UBE2D3: variants seen among roughly 807,000 people sequenced by gnomAD.
UBE2D3 encodes ubiquitin-conjugating enzyme E2 D3.
Under a neutral mutation model 22.8 loss-of-function variants are expected in UBE2D3, and 2 were observed. The observed-to-expected ratio is 0.09, with a 90% CI of 0.04 to 0.28. UBE2D3 has a LOEUF of 0.28. Among genes scored for constraint, UBE2D3 ranks in the 10% least tolerant of loss-of-function variants. UBE2D3 has a pLI of 1.00. For missense variants in UBE2D3, 27 were observed against 182.5 expected (o/e 0.15, Z 4.91); for synonymous variants, 56 against 60.4 (o/e 0.93, Z 0.34).
chr4:102,865,491 CAAAA>C (rs10604973), intron 1 of UBE2D3, among the ~76,000 whole-genome samples: 3 of 66,714 alleles, frequency 4.5e-5, no homozygotes, highest in Non-Finnish European at 6.2e-5. Flanking sequence ...CTGTCTCAAC[CAAAA>C]AAAAAAAAAA....
chr4:102,805,492 A>G (rs1426991937), intron 4 of UBE2D3, among the ~76,000 whole-genome samples: 1 of 145,474 alleles, frequency 6.9e-6, no homozygotes, highest in South Asian at 2.1e-4. Context: ...AAACGTTGGT[A>G]TTCTTTTTTT....
intron 1 of UBE2D3, among the ~76,000 whole-genome samples, chr4:102,851,016 T>C (rs1732314930): frequency 1.3e-5 from 2 of 152,128 alleles, no homozygotes; most frequent in African/African-American, 4.8e-5. Flanking sequence ...CACCAGAATC[T>C]CAGAAATCAT....
At chr4:102,799,364 A>AT (rs1459022169) in intron 7 of UBE2D3, 43 bp downstream of exon 7, 3 of 1,527,412 alleles carry the variant, frequency 2.0e-6, no homozygotes, top group Non-Finnish European at 2.7e-6. Context: ...AGCCTAACTC[A>AT]TTAAGTAAAA....
At chr4:102,819,777 C>G (rs1460586271) in intron 2 of UBE2D3, among the ~76,000 whole-genome samples, 3 of 152,202 alleles carry the variant, frequency 2.0e-5, no homozygotes, top group East Asian at 3.8e-4. Context: ...AAAGGTCATA[C>G]AGAGGACAGA....
At chr4:102,853,271 T>C (rs1326059609) in intron 1 of UBE2D3, among the ~76,000 whole-genome samples, 1 of 150,322 alleles carries the variant, frequency 6.7e-6, no homozygotes, top group Non-Finnish European at 1.5e-5. Context: ...GCCTCCCGAG[T>C]AGCTGGGACT....
chr4:102,812,638 C>T (rs1367651818), intron 2 of UBE2D3: 1 of 152,226 alleles, frequency 6.6e-6, no homozygotes, highest in Non-Finnish European at 1.5e-5. Flanking sequence ...AAGCCTGTAA[C>T]TGTGCTTTAA....
chr4:102,839,556 G>GCTA (rs1731625350), intron 1 of UBE2D3, among the ~76,000 whole-genome samples: 1 of 152,180 alleles, frequency 6.6e-6, no homozygotes, highest in Non-Finnish European at 1.5e-5. Context: ...TACAGTGTGA[G>GCTA]CTACTGCACC....
intron 1 of UBE2D3, among the ~76,000 whole-genome samples, chr4:102,856,250 C>A (rs939870520): frequency 1.4e-4 from 21 of 152,182 alleles, no homozygotes; most frequent in African/African-American, 4.6e-4. Flanking sequence ...CCTGTGATCC[C>A]AGCTACTCGG....
intron 2 of UBE2D3, among the ~76,000 whole-genome samples, chr4:102,814,296 CTT>C (rs35501552): frequency 1.4e-5 from 2 of 146,124 alleles, no homozygotes; most frequent in Middle Eastern, 3.3e-3. Context: ...AAGAAAATGA[CTT>C]TTTTTTTTGA....
chr4:102,803,455 A>G (rs767083547), intron 4 of UBE2D3, among the ~76,000 whole-genome samples: 3 of 152,200 alleles, frequency 2.0e-5, no homozygotes, highest in Non-Finnish European at 4.4e-5. Flanking sequence ...GCCTTTCACT[A>G]TGCCCATTCT....
intron 1 of UBE2D3, 127 bp downstream of exon 1, chr4:102,827,300 C>T: frequency 1.0e-6 from 1 of 954,970 alleles, no homozygotes; most frequent in East Asian, 1.2e-4. Context: ...CCAACCTTCC[C>T]ACCCTAACCC....
At chr4:102,826,167 G>A (rs1730442148) in intron 2 of UBE2D3, among the ~76,000 whole-genome samples, 1 of 151,794 alleles carries the variant, frequency 6.6e-6, no homozygotes, top group Non-Finnish European at 1.5e-5. Context: ...CCGCAATTCG[G>A]ACCCCCAAAA....
chr4:102,806,604 C>A (rs17033300), intron 4 of UBE2D3, among the ~76,000 whole-genome samples: 2,760 of 152,202 alleles, frequency 0.018, 78 homozygotes, highest in African/African-American at 0.06. Context: ...TATGCTCAGG[C>A]TGCCAAAGGT....
At chr4:102,835,480 T>C (rs1222908668) in intron 1 of UBE2D3, among the ~76,000 whole-genome samples, 1 of 152,144 alleles carries the variant, frequency 6.6e-6, no homozygotes, top group South Asian at 2.1e-4. Flanking sequence ...GAGATAAACA[T>C]ATAAAGACAG....
At chr4:102,839,412 C>T (rs892597358) in intron 1 of UBE2D3, among the ~76,000 whole-genome samples, 45 of 152,242 alleles carry the variant, frequency 3.0e-4, no homozygotes, top group African/African-American at 1.0e-3. Flanking sequence ...GCTAGGACTA[C>T]AGCCGCTTGC....
intron 1 of UBE2D3, chr4:102,868,598 G>T: frequency 7.5e-7 from 1 of 1,338,774 alleles, no homozygotes; most frequent in Non-Finnish European, 1.1e-6. Flanking sequence ...AGGCACTGGG[G>T]TCTGGGTAGG....
chr4:102,798,298 G>C (rs1391717207), intron 7 of UBE2D3, among the ~76,000 whole-genome samples: 2 of 54,604 alleles, frequency 3.7e-5, no homozygotes, highest in African/African-American at 2.4e-4. Context: ...ATATATATAT[G>C]CACAGGAGAA....
intron 1 of UBE2D3, among the ~76,000 whole-genome samples, chr4:102,851,282 T>G (rs1732333506): frequency 6.6e-6 from 1 of 152,226 alleles, no homozygotes; most frequent in Non-Finnish European, 1.5e-5. Flanking sequence ...TAGATGTGAC[T>G]TTGTACAACT....
chr4:102,806,584 T>C (rs1727081408), intron 4 of UBE2D3, among the ~76,000 whole-genome samples: 1 of 152,164 alleles, frequency 6.6e-6, no homozygotes, highest in Non-Finnish European at 1.5e-5. Context: ...AGATAGTTTT[T>C]CTGGTTGACT....
Sources: allele counts gnomAD v4.1 joint callset (sites outside exome capture counted in the v4.1 genomes callset), GRCh38; gene constraint gnomAD v4.1.1; transcripts MANE v1.5; gene names NCBI Gene and HGNC (gene_info 2026-07-23, HGNC 2026-07-21).